The following STEAP1B variants were observed in gnomAD, a reference collection of about 807,000 sequenced individuals.
The protein encoded by STEAP1B is STEAP family protein MGC87042.
A neutral mutation model predicts 27.9 loss-of-function variants in STEAP1B; 13 were observed. The observed-to-expected ratio is 0.47, with a 90% confidence interval of 0.30 to 0.74. STEAP1B has a LOEUF of 0.74. Among genes scored for constraint, STEAP1B ranks in the 30% least tolerant of loss-of-function variants. The pLI, the probability that STEAP1B is intolerant of heterozygous loss-of-function variation, is 0.06. For missense variants in STEAP1B, 250 were observed against 298.7 expected (o/e 0.84, Z 1.20); for synonymous variants, 86 against 107.1 (o/e 0.80, Z 1.22).
At chr7:22,439,519 C>T (rs1392296837) in intron 4 of STEAP1B, among the ~76,000 whole-genome samples, 1 of 151,976 alleles carries the variant, frequency 6.6e-6, no homozygotes, top group African/African-American at 2.4e-5. Context: ...GTTGGGACTG[C>T]TGCTATAAAT....
chr7:22,429,393 GT>G (rs1183963177), intron 4 of STEAP1B, among the ~76,000 whole-genome samples: 2 of 152,138 alleles, frequency 1.3e-5, no homozygotes, highest in Non-Finnish European at 2.9e-5. Context: ...CTCACATCAT[GT>G]TGCATTTTTT....
At chr7:22,469,681 G>A (rs1157935182) in intron 4 of STEAP1B, among the ~76,000 whole-genome samples, 1 of 152,152 alleles carries the variant, frequency 6.6e-6, no homozygotes, top group African/African-American at 2.4e-5. Flanking sequence ...GTAGCTAGGA[G>A]CACTAGGCTT....
At chr7:22,467,555 G>A (rs1171463030) in intron 4 of STEAP1B, among the ~76,000 whole-genome samples, 2 of 152,162 alleles carry the variant, frequency 1.3e-5, no homozygotes, top group Admixed American at 6.5e-5. Context: ...GGACCCAGTG[G>A]GAGATAATTG....
chr7:22,454,866 T>TGTGTATATA (rs58504014), intron 4 of STEAP1B, among the ~76,000 whole-genome samples: 3 of 57,150 alleles, frequency 5.2e-5, no homozygotes, highest in African/African-American at 2.1e-4. Flanking sequence ...TATATATATA[T>TGTGTATATA]TTTTTTTTTT....
At chr7:22,435,698 G>A (rs1785244775) in intron 4 of STEAP1B, among the ~76,000 whole-genome samples, 1 of 152,156 alleles carries the variant, frequency 6.6e-6, no homozygotes, top group African/African-American at 2.4e-5. Context: ...TATTTATTTA[G>A]CCACATCTAA....
intron 4 of STEAP1B, among the ~76,000 whole-genome samples, chr7:22,428,767 G>A (rs1452406473): frequency 6.6e-6 from 1 of 151,894 alleles, no homozygotes; most frequent in Non-Finnish European, 1.5e-5. Flanking sequence ...ACTCCAGCCT[G>A]GTGACAGAGC....
At chr7:22,429,877 A>G (rs992760730) in intron 4 of STEAP1B, among the ~76,000 whole-genome samples, 2 of 152,212 alleles carry the variant, frequency 1.3e-5, no homozygotes, top group African/African-American at 4.8e-5. Flanking sequence ...CAGGCCTGAC[A>G]CAGGTTGGGC....
intron 4 of STEAP1B, among the ~76,000 whole-genome samples, chr7:22,492,130 C>A (rs1439941091): frequency 6.6e-6 from 1 of 151,564 alleles, no homozygotes; most frequent in Non-Finnish European, 1.5e-5. Flanking sequence ...ACCATCCTGG[C>A]TAACATGGTG....
intron 4 of STEAP1B, among the ~76,000 whole-genome samples, chr7:22,447,701 T>C (rs997433147): frequency 4.6e-5 from 7 of 152,242 alleles, no homozygotes; most frequent in Non-Finnish European, 7.3e-5. Flanking sequence ...TCAAGACCTG[T>C]CCTGGTGTGC....
rs56679156 is a variant in STEAP1B at position 22,492,319 on chromosome 7, CAAAAAAA to C, written c.762+239_762+245del. On this transcript the variant is annotated intron_variant, in intron 4 of 4. Transcript: ENST00000678116. ...GGGCAACAGAGCGAGACTTCATCTC[CAAAAAAA>C]AAAAAAAAAAAAAAAAAAAAAGGAT... 4.4e-3 allele frequency: 243 copies of C among 54,782 alleles called. 3 individuals carry two copies. Among genetic ancestry groups the C allele is most frequent in the East Asian group, 0.011 (13 of 1,216 alleles). The allele number at this position is 54,782 out of a possible 1,614,324, so 3.4% of individuals were successfully genotyped here.
rs372464833 is a variant in STEAP1B, at chr7:22,471,297, C to T, written c.762+21268G>A. 5.9e-5 allele frequency among the ~76,000 whole-genome samples: 9 copies of T among 152,292 alleles called. No homozygotes were observed. The East Asian group carries it at 9.6e-4, about 16-fold the overall frequency. ...TGAGGAAAGTGACGCAGAGGAAGCT[C>T]ACTCACTCAAGAGTTGCAAGGCCTG... On this transcript the variant is annotated intron_variant, in intron 4 of 4. Transcript: ENST00000678116.
intron 4 of STEAP1B, among the ~76,000 whole-genome samples, chr7:22,429,901 G>C (rs1785156318): frequency 6.6e-6 from 1 of 152,004 alleles, no homozygotes; most frequent in Non-Finnish European, 1.5e-5. Context: ...TATATCTGTA[G>C]TAAAACCTTA....
intron 4 of STEAP1B, among the ~76,000 whole-genome samples, chr7:22,491,446 A>G (rs1462553477): frequency 6.6e-6 from 1 of 152,216 alleles, no homozygotes; most frequent in Non-Finnish European, 1.5e-5. Flanking sequence ...TTTAAGAATG[A>G]TACAACAAAA....
chr7:22,447,740 T>C lies in STEAP1B; in HGVS notation c.763-27904A>G, dbSNP rs989011106. On this transcript the variant is annotated intron_variant, in intron 4 of 4. Transcript: ENST00000678116. ...CATAGAAGCCAATTTGTTTTACTTCTGGTACACTGACCAGCATCCCTTAGG... is the reference window on the plus strand; with the variant it reads ...CATAGAAGCCAATTTGTTTTACTTCCGGTACACTGACCAGCATCCCTTAGG... Among the ~76,000 whole-genome samples the C allele has an allele frequency of 5.9e-5, 9 of 152,220 alleles. No individual in the cohort carries two copies. In the South Asian group the frequency reaches 6.2e-4, roughly 11 times the overall value.
chr7:22,459,593 G>A (rs988520942), intron 4 of STEAP1B, among the ~76,000 whole-genome samples: 4 of 152,162 alleles, frequency 2.6e-5, no homozygotes, highest in Non-Finnish European at 4.4e-5. Context: ...AATGATTTCT[G>A]TATTTTCCCT....
At chr7:22,469,729 G>C (rs1785847347) in intron 4 of STEAP1B, among the ~76,000 whole-genome samples, 1 of 152,144 alleles carries the variant, frequency 6.6e-6, no homozygotes, top group Admixed American at 6.5e-5. Context: ...CTACCATCTA[G>C]GTTAGCGTAA....
intron 4 of STEAP1B, among the ~76,000 whole-genome samples, chr7:22,467,332 T>C (rs1785802848): frequency 6.6e-6 from 1 of 152,210 alleles, no homozygotes; most frequent in South Asian, 2.1e-4. Flanking sequence ...TCTGCTGTCT[T>C]ACAAGTCAGA....
chr7:22,430,400 TACC>T (rs1785167323), intron 4 of STEAP1B, among the ~76,000 whole-genome samples: 1 of 152,238 alleles, frequency 6.6e-6, no homozygotes, highest in Non-Finnish European at 1.5e-5. Flanking sequence ...CCACCAGGAC[TACC>T]ACAAGTGCAT....
chr7:22,451,172 G>A (rs1413167724), intron 4 of STEAP1B, among the ~76,000 whole-genome samples: 2 of 148,660 alleles, frequency 1.3e-5, no homozygotes, highest in African/African-American at 5.0e-5. Flanking sequence ...ACTCCAGCAT[G>A]GGCGACAGAG....
Sources: gnomAD v4.1 joint callset for allele counts (sites outside exome capture counted in the v4.1 genomes callset) on GRCh38, gnomAD v4.1.1 for gene constraint, MANE v1.5 for transcripts, NCBI Gene and HGNC (gene_info 2026-07-23, HGNC 2026-07-21) for gene names.